TEAD2: variants seen among roughly 807,000 people sequenced by gnomAD.
TEAD2 encodes TEA domain transcription factor 2.
A neutral mutation model predicts 61.4 loss-of-function variants in TEAD2; 51 were observed. That is an observed-to-expected ratio of 0.83 (90% CI 0.66 to 1.05). The LOEUF is 1.05. Among genes scored for constraint, TEAD2 ranks in the 50% least tolerant of loss-of-function variants. The pLI is 0.00. For missense variants in TEAD2, 509 were observed against 600.0 expected, an observed-to-expected ratio of 0.85 and a Z score of 1.58; for synonymous variants, 244 against 243.2, an observed-to-expected ratio of 1.00 and a Z score of -0.03.
intron 3 of TEAD2, chr19:49,357,744 A>C (rs1235023506): frequency 6.0e-5 from 14 of 232,412 alleles, no homozygotes; most frequent in Non-Finnish European, 8.7e-5. Context: ...TGAACCCCTC[A>C]TGAATGGCTT....
chr19:49,354,270 C>T (rs1024492480), intron 7 of TEAD2, among the ~76,000 whole-genome samples: 1 of 150,860 alleles, frequency 6.6e-6, no homozygotes, highest in African/African-American at 2.4e-5. Context: ...TTGGGAGGTC[C>T]AGGCAGGGGG....
intron 5 of TEAD2, 60 bp from the exon 6 acceptor site, chr19:49,355,479 G>A: frequency 6.9e-7 from 1 of 1,445,338 alleles, no homozygotes. Flanking sequence ...GGCAAGAGGG[G>A]GATGGTGCCA....
chr19:49,348,215 G>C (rs1971774515), intron 9 of TEAD2, among the ~76,000 whole-genome samples: 1 of 152,192 alleles, frequency 6.6e-6, no homozygotes, highest in Non-Finnish European at 1.5e-5. Context: ...AATGTTACAT[G>C]CAACTTATCT....
At chr19:49,348,973 G>A in intron 8 of TEAD2, 128 bp from the exon 9 acceptor site, 1 of 1,281,042 alleles carries the variant, frequency 7.8e-7, no homozygotes, top group Non-Finnish European at 1.0e-6. Flanking sequence ...AGCCTCCCTT[G>A]CAGTTAGAAG....
intron 1 of TEAD2, among the ~76,000 whole-genome samples, chr19:49,362,129 C>T (rs1258998540): frequency 6.6e-6 from 1 of 152,230 alleles, no homozygotes; most frequent in Non-Finnish European, 1.5e-5. Flanking sequence ...CCTTGGCCCG[C>T]ACCCGCTCCT....
chr19:49,355,997 C>G, intron 4 of TEAD2, 27 bp from the exon 5 acceptor site: 1 of 1,254,266 alleles, frequency 8.0e-7, no homozygotes, highest in Non-Finnish European at 1.0e-6. Context: ...GGGAGGGTGC[C>G]AAAGGAGGAA....
rs777432788 is a variant in TEAD2 at position 49,341,277 on chromosome 19, C to T, written c.*47G>A. The T allele has an allele frequency of 2.6e-5, 39 of 1,479,022 alleles. No individual in the cohort carries two copies. The highest frequency in any genetic ancestry group is 3.6e-5 in the Non-Finnish European group (38 of 1,058,242). 91.6% of individuals were successfully genotyped at this position (1,479,022 alleles called of 1,614,324 possible). On this transcript the variant is annotated 3_prime_UTR_variant, in exon 13 of 13. Transcript: ENST00000593945. The surrounding 1 kb of genome is among the most constrained non-coding windows in gnomAD (Gnocchi z 4.2). ...CATGAGGTGAGCTGGAGGACCCTCC[C>T]TGGGAGGAGGGTGTTCTGGGGGGTG...
chr19:49,351,326 C>A lies in TEAD2; in HGVS notation c.579G>T (p.Leu193=). Residue 193 remains leucine, a synonymous_variant, in exon 8 of 13, where the codon CTG becomes CTT. Coordinates refer to ENST00000593945, the MANE Select transcript of TEAD2 (RefSeq NM_001256660.2). ...CTGGGAGGTCAGTAGATGGGGGAGT[C>A]AGTGACAAGGTGAACGGTGTCTGTG... ...PFSQTPFTLS[L]TPPSTDLPGY... The A allele has an allele frequency of 6.2e-6, 10 of 1,612,240 alleles. No homozygotes were observed. Among genetic ancestry groups the A allele is most frequent in the Non-Finnish European group, 8.5e-6 (10 of 1,179,404 alleles).
rs1971293430 is a variant in TEAD2, at chr19:49,341,856, C to G, written c.1243-419G>C. ...AGCTGAGGATCTGCCTTCGAGTGCC[C>G]TCCAGTCAGCTTCACCAGGGAAGGA... is the stretch of plus-strand genomic sequence containing the variant. On this transcript the variant is annotated intron_variant, in intron 12 of 12. Coordinates refer to ENST00000593945, the MANE Select transcript of TEAD2 (RefSeq NM_001256660.2). The surrounding 1 kb of genome is among the most constrained non-coding windows in gnomAD (Gnocchi z 4.2). Among the ~76,000 whole-genome samples, 3 of 152,116 alleles carry G rather than the reference C, an allele frequency of 2.0e-5. No homozygotes were observed. The highest frequency in any genetic ancestry group is 6.5e-5 in the Admixed American group (1 of 15,274).
rs1316120741 is a variant in TEAD2, at chr19:49,359,938, G to C, written c.138C>G (p.Ser46Arg). Reference protein sequence around the residue: ...DGGPDAEGVWSPDIEQSFQEA... With the variant: ...DGGPDAEGVWRPDIEQSFQEA... ...CCTGGAAGCTCTGCTCAATGTCTGGGCTCCACACCCCCTCTGCATCCGGGC... is the reference window on the plus strand; with the variant it reads ...CCTGGAAGCTCTGCTCAATGTCTGGCCTCCACACCCCCTCTGCATCCGGGC... The change falls in exon 2 of 13, where the codon AGC (serine) becomes AGG (arginine). Residue 46 changes from serine to arginine, a missense_variant. Ser to Arg is a moderately radical substitution (Grantham distance 110). Transcript: ENST00000593945. The surrounding 1 kb of genome is among the most constrained non-coding windows in gnomAD (Gnocchi z 4.1). The C allele has an allele frequency of 6.2e-7, 1 of 1,612,400 alleles. No individual in the cohort carries two copies. The highest frequency in any genetic ancestry group is 8.5e-7 in the Non-Finnish European group (1 of 1,180,018).
In TEAD2 at chr19:49,359,626, C is replaced by T; in HGVS notation, c.233-127G>A. 1.7e-6 allele frequency: 2 copies of T among 1,183,658 alleles called. No individual in the cohort carries two copies. Among genetic ancestry groups the T allele is most frequent in the Non-Finnish European group, 2.5e-6 (2 of 809,302 alleles). The allele number at this position is 1,183,658 out of a possible 1,614,324, so 73.3% of individuals were successfully genotyped here. On this transcript the variant is annotated intron_variant, in intron 2 of 12. Transcript: ENST00000593945. This position sits in a 1 kb window ranked among gnomAD's most constrained non-coding sequence, Gnocchi z 4.1. ...CTGCAGCAAGTGGGCTGCCGGTCCC[C>T]TCAGCTACGTGGAAGCCAGACTGCT...
intron 8 of TEAD2, among the ~76,000 whole-genome samples, chr19:49,350,935 C>CTT: frequency 6.6e-6 from 1 of 152,208 alleles, no homozygotes; most frequent in East Asian, 1.9e-4. Flanking sequence ...AATCCCAGCA[C>CTT]TTTGGAAAGC....
chr19:49,348,860 G>A lies in TEAD2; in HGVS notation c.605-15C>T. 6.6e-7 allele frequency: 1 copy of A among 1,505,524 alleles called. No homozygotes were observed. Among genetic ancestry groups the A allele is most frequent in the East Asian group, 2.4e-5 (1 of 42,178 alleles). The allele number at this position is 1,505,524 out of a possible 1,614,324, so 93.3% of individuals were successfully genotyped here. On this transcript the variant is annotated splice_polypyrimidine_tract_variant and intron_variant, in intron 8 of 12. Coordinates refer to ENST00000593945, the MANE Select transcript of TEAD2 (RefSeq NM_001256660.2). ...GGGCTCGTACCCTAGAGAGAGAGAA[G>A]AAAGAACAATACAAATTGCTAACAT... is the stretch of plus-strand genomic sequence containing the variant.
At chr19:49,353,966 T>C in intron 7 of TEAD2, among the ~76,000 whole-genome samples, 1 of 150,446 alleles carries the variant, frequency 6.6e-6, no homozygotes, top group African/African-American at 2.4e-5. Flanking sequence ...TGTTTTTTTT[T>C]TTTTGGTGTT....
At chr19:49,346,119 C>T (rs1307766235) in intron 10 of TEAD2, among the ~76,000 whole-genome samples, 2 of 142,648 alleles carry the variant, frequency 1.4e-5, no homozygotes, top group African/African-American at 2.7e-5. Flanking sequence ...GAGCCGAGAT[C>T]GCACCATTGC....
chr19:49,359,959 C>T lies in TEAD2; in HGVS notation c.117G>A (p.Pro39=), dbSNP rs778235898. Residue 39 remains proline, a synonymous_variant, in exon 2 of 13, where the codon CCG becomes CCA. Transcript: ENST00000593945. This position sits in a 1 kb window ranked among gnomAD's most constrained non-coding sequence, Gnocchi z 4.1. Reference sequence around the variant, plus strand: ...CTGGGCTCCACACCCCCTCTGCATCCGGGCCCCCGTCACCCCCAGCCCCCT... The same window carrying T: ...CTGGGCTCCACACCCCCTCTGCATCTGGGCCCCCGTCACCCCCAGCCCCCT... ...GSEGAGGDGG[P]DAEGVWSPDI... 4.3e-6 allele frequency: 7 copies of T among 1,611,150 alleles called. No homozygotes were observed. Among genetic ancestry groups the T allele is most frequent in the South Asian group, 3.3e-5 (3 of 91,084 alleles).
chr19:49,358,620 TTTTC>T (rs1183065344), intron 3 of TEAD2, among the ~76,000 whole-genome samples: 18 of 151,548 alleles, frequency 1.2e-4, no homozygotes, highest in South Asian at 2.1e-4. Context: ...AATAAAGCTC[TTTTC>T]TTTCTTTCTT....
rs190579419 is a variant in TEAD2, at chr19:49,342,200, A to G, written c.1242+238T>C. ...GAGCGAGACTCCATCTCAAAAAAAA[A>G]AAGAGAGAGAGTGCTGTGACATCCC... On this transcript the variant is annotated intron_variant, in intron 12 of 12. Coordinates refer to ENST00000593945, the MANE Select transcript of TEAD2 (RefSeq NM_001256660.2). 2.0e-5 allele frequency among the ~76,000 whole-genome samples: 3 copies of G among 151,752 alleles called. No homozygotes were observed. In the East Asian group the frequency reaches 5.8e-4, roughly 29 times the overall value.
chr19:49,360,683 G>A (rs1972788501), intron 1 of TEAD2, among the ~76,000 whole-genome samples: 1 of 150,748 alleles, frequency 6.6e-6, no homozygotes, highest in South Asian at 2.1e-4. Flanking sequence ...AGCAGCAGCT[G>A]CCAGAAAAGA....
Sources: gnomAD v4.1 joint callset for allele counts (sites outside exome capture counted in the v4.1 genomes callset) on GRCh38, gnomAD v4.1.1 for gene constraint, Gnocchi (gnomAD v3.1) non-coding constraint, MANE v1.5 for transcripts, NCBI Gene and HGNC (gene_info 2026-07-23, HGNC 2026-07-21) for gene names.